Variants in SYT9 observed in about 807,000 individuals in gnomAD.
SYT9 encodes the protein synaptotagmin 9, also known as synaptotagmin-9.
A neutral mutation model predicts 48.4 loss-of-function variants in SYT9; 22 were observed. The observed-to-expected ratio is 0.45, with a 90% CI of 0.32 to 0.65. SYT9 has a LOEUF of 0.65. SYT9 is among the 30% of genes least tolerant of loss of function. The pLI is 0.03. For missense variants in SYT9, 577 were observed against 622.0 expected (o/e 0.93, Z 0.77); for synonymous variants, 265 against 245.0 (o/e 1.08, Z -0.76).
chr11:7,446,505 C>T (rs543608923), intron 6 of SYT9, among the ~76,000 whole-genome samples: 1 of 152,310 alleles, frequency 6.6e-6, no homozygotes, highest in South Asian at 2.1e-4. Context: ...GTCCTCCTGT[C>T]CAGTGATCTC....
rs375225815 is a variant in SYT9 at position 7,417,973 on chromosome 11, C to T, written c.1182C>T (p.Val394=). The stretch of plus-strand genomic sequence containing the variant: ...TCTGTCCAGATCCCTATGTGAAAGT[C>T]TCGCTGATGTGTGATGGCAGACGAC... ...ITGASDPYVK[V]SLMCDGRRLK... is the part of the protein sequence containing the mutation. Residue 394 remains valine, a synonymous_variant, in exon 5 of 7, where the codon GTC becomes GTT. Transcript: ENST00000318881. The T allele has an allele frequency of 1.2e-6, 2 of 1,613,856 alleles. No individual in the cohort carries two copies.
chr11:7,383,655 G>T (rs1850605747), intron 3 of SYT9, among the ~76,000 whole-genome samples: 1 of 141,392 alleles, frequency 7.1e-6, no homozygotes, highest in African/African-American at 2.5e-5. Flanking sequence ...AGTATTTACT[G>T]CATAAAGACA....
chr11:7,383,217 C>G (rs1364563404), intron 3 of SYT9, among the ~76,000 whole-genome samples: 1 of 152,142 alleles, frequency 6.6e-6, no homozygotes, highest in African/African-American at 2.4e-5. Context: ...AGAAATGTTA[C>G]AATTAAGATT....
intron 3 of SYT9, among the ~76,000 whole-genome samples, chr11:7,398,202 G>A (rs1277362148): frequency 6.6e-6 from 1 of 151,964 alleles, no homozygotes; most frequent in Admixed American, 6.6e-5. Flanking sequence ...TGATCATTTT[G>A]CCTCTATTCA....
intron 3 of SYT9, among the ~76,000 whole-genome samples, chr11:7,400,958 T>C (rs1222641713): frequency 6.6e-6 from 1 of 152,188 alleles, no homozygotes; most frequent in Non-Finnish European, 1.5e-5. Context: ...GCTAGTGTGC[T>C]ATTTGGTTAC....
At chr11:7,278,957 A>G (rs142825913) in intron 1 of SYT9, among the ~76,000 whole-genome samples, 1 of 152,370 alleles carries the variant, frequency 6.6e-6, no homozygotes, top group East Asian at 1.9e-4. Context: ...TGTTTTGGAA[A>G]CATCTAGAGA....
intron 6 of SYT9, chr11:7,440,410 C>T (rs1847809482): frequency 6.6e-6 from 1 of 152,186 alleles, no homozygotes; most frequent in African/African-American, 2.4e-5. Context: ...TGTTTAGAAG[C>T]TCAGTAAGAT....
intron 3 of SYT9, among the ~76,000 whole-genome samples, chr11:7,332,245 C>T (rs1013283063): frequency 2.6e-5 from 4 of 152,172 alleles, no homozygotes; most frequent in Admixed American, 1.3e-4. Context: ...CACCCTGAGA[C>T]GAGGGGGCCG....
chr11:7,445,435 G>A (rs1002991938), intron 6 of SYT9, among the ~76,000 whole-genome samples: 2 of 152,060 alleles, frequency 1.3e-5, no homozygotes, highest in Admixed American at 1.3e-4. Context: ...CCTTGGGGAT[G>A]GTCGCCTGGG....
At chr11:7,451,291 T>C (rs1848042644) in intron 6 of SYT9, among the ~76,000 whole-genome samples, 1 of 152,362 alleles carries the variant, frequency 6.6e-6, no homozygotes, top group Admixed American at 6.5e-5. Flanking sequence ...TTTTTTACTT[T>C]AGAAGGCATG....
chr11:7,389,359 T>C (rs895141527), intron 3 of SYT9, among the ~76,000 whole-genome samples: 2 of 152,146 alleles, frequency 1.3e-5, no homozygotes, highest in South Asian at 4.1e-4. Context: ...GTAAAGCCAA[T>C]ATTTAATAAG....
chr11:7,418,368 A>G (rs753478958), intron 5 of SYT9, among the ~76,000 whole-genome samples: 13 of 151,946 alleles, frequency 8.6e-5, no homozygotes, highest in African/African-American at 2.4e-4. Flanking sequence ...TTTTTTTCCT[A>G]TTCCTACATC....
At chr11:7,453,875 C>A (rs888474411) in intron 6 of SYT9, 5 of 483,918 alleles carry the variant, frequency 1.0e-5, no homozygotes, top group Non-Finnish European at 1.3e-5. Flanking sequence ...GGGAGTCAGG[C>A]CAGGGCGCAG....
intron 6 of SYT9, among the ~76,000 whole-genome samples, chr11:7,453,834 A>G (rs928054852): frequency 4.1e-4 from 63 of 152,174 alleles, no homozygotes; most frequent in African/African-American, 1.4e-3. Flanking sequence ...ATGAGCAACG[A>G]GAGGTAGAGT....
At chr11:7,404,670 C>A (rs1305458605) in intron 3 of SYT9, among the ~76,000 whole-genome samples, 1 of 152,072 alleles carries the variant, frequency 6.6e-6, no homozygotes, top group Non-Finnish European at 1.5e-5. Context: ...CCAGAGAGGA[C>A]TCTAAGTGGT....
intron 3 of SYT9, among the ~76,000 whole-genome samples, chr11:7,397,513 C>A (rs991654777): frequency 2.0e-5 from 3 of 151,994 alleles, no homozygotes; most frequent in African/African-American, 4.8e-5. Context: ...AGGTTCTTTG[C>A]ATTTTCATAT....
chr11:7,324,401 A>G (rs778076435), intron 3 of SYT9, among the ~76,000 whole-genome samples: 1 of 151,398 alleles, frequency 6.6e-6, no homozygotes, highest in Non-Finnish European at 1.5e-5. Flanking sequence ...TTTGTTTTCC[A>G]TTATTTTTCC....
intron 1 of SYT9, among the ~76,000 whole-genome samples, chr11:7,288,904 T>A (rs1301469692): frequency 2.0e-5 from 3 of 152,206 alleles, no homozygotes; most frequent in African/African-American, 7.2e-5. Flanking sequence ...TTTCTGGTAT[T>A]TAGGGAGGCA....
chr11:7,429,209 A>G (rs1227328779), intron 6 of SYT9, among the ~76,000 whole-genome samples: 1 of 152,184 alleles, frequency 6.6e-6, no homozygotes, highest in Non-Finnish European at 1.5e-5. Context: ...GTCTCTGGTG[A>G]TGGTACATAT....
Sources: allele counts gnomAD v4.1 joint callset (sites outside exome capture counted in the v4.1 genomes callset), GRCh38; gene constraint gnomAD v4.1.1; transcripts MANE v1.5; gene names NCBI Gene and HGNC (gene_info 2026-07-23, HGNC 2026-07-21).